Variants in FAM3D observed in about 807,000 individuals in gnomAD.
FAM3D encodes the protein FAM3 metabolism regulating signaling molecule D.
Under a neutral mutation model 29.8 loss-of-function variants are expected in FAM3D, and 26 were observed. The ratio of observed to expected loss-of-function variants is 0.87; its 90% CI spans 0.64 to 1.21. FAM3D has a LOEUF of 1.21. FAM3D is among the 50% of genes most tolerant of loss of function. The pLI, the probability that FAM3D is intolerant of heterozygous loss-of-function variation, is 0.00. For synonymous variants in FAM3D, 115 were observed against 102.3 expected (o/e 1.12, Z -0.75); for missense variants, 253 against 290.9 (o/e 0.87, Z 0.95).
At chr3:58,645,059 C>T (rs1294377639) in intron 5 of FAM3D, among the ~76,000 whole-genome samples, 5 of 152,216 alleles carry the variant, frequency 3.3e-5, no homozygotes, top group Non-Finnish European at 7.3e-5. Flanking sequence ...CACAGCCTTT[C>T]TCCTGTACTG....
chr3:58,649,794 G>C (rs1229281477), intron 3 of FAM3D, among the ~76,000 whole-genome samples: 1 of 152,132 alleles, frequency 6.6e-6, no homozygotes, highest in Admixed American at 6.5e-5. Context: ...TTGTGCCCTA[G>C]TTCCTAGTAT....
At chr3:58,641,449 C>A (rs2066332232) in intron 6 of FAM3D, among the ~76,000 whole-genome samples, 1 of 152,040 alleles carries the variant, frequency 6.6e-6, no homozygotes. Context: ...CAACCTCGAC[C>A]TCCCAGGCTC....
rs1176281335 is a variant in FAM3D, at chr3:58,634,140, C to T, written c.*139G>A. On this transcript the variant is annotated 3_prime_UTR_variant, in exon 10 of 10. Coordinates refer to ENST00000358781, the MANE Select transcript of FAM3D (RefSeq NM_138805.3). This position sits in a 1 kb window ranked among gnomAD's most constrained non-coding sequence, Gnocchi z 4.6. ...GGGTTCTGTTTCCGAGGAGGAGAGG[C>T]GCGACACAGCGTGCAAGGACCTGCA... 2.2e-5 allele frequency: 15 copies of T among 685,228 alleles called. No individual in the cohort carries two copies. Among genetic ancestry groups the T allele is most frequent in the Non-Finnish European group, 2.9e-5 (12 of 407,268 alleles). 42.4% of individuals were successfully genotyped at this position (685,228 alleles called of 1,614,324 possible). A position where few individuals can be genotyped will look rare whatever the true frequency, so the allele number is the denominator to read the frequency against.
chr3:58,636,257 C>T, intron 9 of FAM3D, 37 bp downstream of exon 9: 1 of 1,602,230 alleles, frequency 6.2e-7, no homozygotes. Flanking sequence ...GCTCCTCATG[C>T]ATCCTTCATA....
chr3:58,643,735 GA>G lies in FAM3D; in HGVS notation c.264-16del. On this transcript the variant is annotated splice_polypyrimidine_tract_variant and intron_variant, in intron 5 of 9. Transcript: ENST00000358781. Reference sequence around the variant, plus strand: ...GACTCATGATCCTGAAGACAATGAAGAAGAAATATGACAGTCGGTCCCGAGT... The same window carrying G: ...GACTCATGATCCTGAAGACAATGAAGAGAAATATGACAGTCGGTCCCGAGT... The G allele has an allele frequency of 6.2e-7, 1 of 1,613,758 alleles. No homozygotes were observed. Among genetic ancestry groups the G allele is most frequent in the South Asian group, 1.1e-5 (1 of 91,062 alleles).
In FAM3D at chr3:58,636,351, C is replaced by T. The variant is rs1223891757; in HGVS notation, c.528G>A (p.Arg176=). The T allele has an allele frequency of 1.2e-6, 2 of 1,614,042 alleles. No individual in the cohort carries two copies. The highest frequency in any genetic ancestry group is 1.7e-5 in the Admixed American group (1 of 60,008). The change falls in exon 9 of 10, where the codon CGG becomes CGA. Residue 176 remains arginine, a synonymous_variant. Transcript: ENST00000358781. The part of the protein sequence containing the change: ...GSSYAKQLGF[R]DSWVFIGAKD... ...TGGCTCCTATGAAGACCCAGCTGTC[C>T]CGGAAGCCCAGTTGTTTTGCGTAGG... is the stretch of plus-strand genomic sequence containing the variant.
At chr3:58,661,938 C>A (rs1200156388) in intron 1 of FAM3D, among the ~76,000 whole-genome samples, 1 of 152,224 alleles carries the variant, frequency 6.6e-6, no homozygotes, top group Non-Finnish European at 1.5e-5. Flanking sequence ...CAGGTCCCAG[C>A]AGAGCAGCTG....
intron 1 of FAM3D, among the ~76,000 whole-genome samples, chr3:58,664,651 A>G: frequency 6.6e-6 from 1 of 152,228 alleles, no homozygotes; most frequent in South Asian, 2.1e-4. Context: ...CAACTTGCCT[A>G]AGGTCACATG....
intron 7 of FAM3D, among the ~76,000 whole-genome samples, chr3:58,639,107 A>G (rs989298937): frequency 6.6e-6 from 1 of 152,204 alleles, no homozygotes; most frequent in African/African-American, 2.4e-5. Flanking sequence ...GGCATTTTAA[A>G]GCTTAGTTTC....
intron 7 of FAM3D, among the ~76,000 whole-genome samples, chr3:58,639,753 C>T (rs1575471444): frequency 6.6e-6 from 1 of 152,196 alleles, no homozygotes; most frequent in African/African-American, 2.4e-5. Context: ...TCAGCACACT[C>T]CTAGCTCTGC....
intron 8 of FAM3D, among the ~76,000 whole-genome samples, chr3:58,636,892 C>T (rs1247442977): frequency 1.3e-5 from 2 of 152,026 alleles, no homozygotes; most frequent in South Asian, 2.1e-4. Flanking sequence ...CCTATGTCAC[C>T]GTATGTCATA....
chr3:58,642,185 A>T (rs9811560), intron 6 of FAM3D, among the ~76,000 whole-genome samples: 67,129 of 151,878 alleles, frequency 0.44, 15,897 homozygotes, highest in South Asian at 0.6. Context: ...GCCTCCTGCC[A>T]CTCCCTGCCC....
chr3:58,646,797 A>G (rs1293020511), intron 4 of FAM3D, among the ~76,000 whole-genome samples: 1 of 152,174 alleles, frequency 6.6e-6, no homozygotes, highest in East Asian at 1.9e-4. Context: ...TGTGTTTATT[A>G]TCTTATTGAC....
chr3:58,644,544 T>A (rs2066423391), intron 5 of FAM3D, among the ~76,000 whole-genome samples: 1 of 152,220 alleles, frequency 6.6e-6, no homozygotes, highest in Non-Finnish European at 1.5e-5. Context: ...CCTGGATAAA[T>A]TACCTAGTCT....
intron 5 of FAM3D, among the ~76,000 whole-genome samples, chr3:58,645,056 T>A (rs1439519833): frequency 6.6e-6 from 1 of 152,232 alleles, no homozygotes; most frequent in African/African-American, 2.4e-5. Context: ...GTACACAGCC[T>A]TTCTCCTGTA....
chr3:58,655,374 C>A (rs1274224477), intron 2 of FAM3D, among the ~76,000 whole-genome samples, 177 bp downstream of exon 2: 1 of 152,214 alleles, frequency 6.6e-6, no homozygotes, highest in African/African-American at 2.4e-5. Context: ...TTCCTCATGC[C>A]TTTCAGCCTA....
rs544689805 is a variant in FAM3D at position 58,654,201 on chromosome 3, G to A, written c.14-420C>T. Among the ~76,000 whole-genome samples the A allele has an allele frequency of 1.3e-3, 191 of 152,342 alleles. 5 individuals are homozygous for A. In the South Asian group the frequency reaches 0.038, roughly 30 times the overall value. ...GGGAGTCAGGAAGGCTGTGGCCAGT[G>A]CTCAGGGCAGCCAGCAGTGCTGTGT... On this transcript the variant is annotated intron_variant, in intron 2 of 9. Coordinates refer to ENST00000358781, the MANE Select transcript of FAM3D (RefSeq NM_138805.3).
At chr3:58,649,185 G>A in intron 4 of FAM3D, 130 bp downstream of exon 4, 1 of 1,158,642 alleles carries the variant, frequency 8.6e-7, no homozygotes, top group Non-Finnish European at 1.2e-6. Flanking sequence ...GGAAGAATCA[G>A]GAAGCCCAGG....
In FAM3D at chr3:58,645,605, C is replaced by T; in HGVS notation, c.167G>A (p.Gly56Asp). 1 of 1,614,134 alleles carries T rather than the reference C, an allele frequency of 6.2e-7. No individual in the cohort carries two copies. Among genetic ancestry groups the T allele is most frequent in the South Asian group, 1.1e-5 (1 of 91,074 alleles). ...KEIQVKKYKC[G>D]LIKPCPANYF... ...GTTGGCTGGGCAGGGCTTGATGAGG[C>T]CACACTTGTACTTTTTAACCTCTGG... Residue 56 changes from glycine to aspartate, a missense_variant, in exon 5 of 10, where the codon GGC becomes GAC. Transcript: ENST00000358781.
Sources: gnomAD v4.1 joint callset for allele counts (sites outside exome capture counted in the v4.1 genomes callset) on GRCh38, gnomAD v4.1.1 for gene constraint, Gnocchi (gnomAD v3.1) non-coding constraint, MANE v1.5 for transcripts, NCBI Gene and HGNC (gene_info 2026-07-23, HGNC 2026-07-21) for gene names.